The following ACOT7 variants were observed in gnomAD, a reference collection of about 807,000 sequenced individuals.
ACOT7 encodes cytosolic acyl coenzyme A thioester hydrolase.
A neutral mutation model predicts 40.2 loss-of-function variants in ACOT7; 12 were observed. That is an observed-to-expected ratio of 0.30 (90% CI 0.19 to 0.48). ACOT7 has a LOEUF of 0.48. Among genes scored for constraint, ACOT7 ranks in the 20% least tolerant of loss-of-function variants. The probability of loss-of-function intolerance (pLI) is 0.99; values close to 1 mark genes in which losing one functional copy is unlikely to be tolerated. For missense variants in ACOT7, 395 were observed against 530.8 expected (o/e 0.74, Z 2.51); for synonymous variants, 228 against 219.5 (o/e 1.04, Z -0.34).
chr1:6,319,049 C>T (rs1256512453), intron 5 of ACOT7, among the ~76,000 whole-genome samples: 1 of 152,164 alleles, frequency 6.6e-6, no homozygotes, highest in Non-Finnish European at 1.5e-5. Context: ...CCATTCACTG[C>T]TCTATCACCT....
chr1:6,269,567 T>G (rs2148363660), intron 8 of ACOT7, among the ~76,000 whole-genome samples: 1 of 152,370 alleles, frequency 6.6e-6, no homozygotes, highest in South Asian at 2.1e-4. Context: ...CGAGCCCAGG[T>G]GCAGGTCATT....
At chr1:6,381,654 G>C (rs1198546770) in intron 1 of ACOT7, among the ~76,000 whole-genome samples, 6 of 150,822 alleles carry the variant, frequency 4.0e-5, no homozygotes, top group African/African-American at 1.5e-4. Context: ...AAATAGAATT[G>C]CCATATGATC....
At chr1:6,378,275 C>T (rs1642273728) in intron 1 of ACOT7, among the ~76,000 whole-genome samples, 1 of 145,180 alleles carries the variant, frequency 6.9e-6, no homozygotes, top group African/African-American at 2.7e-5. Context: ...GATCAGCATG[C>T]CCTCTGCTGG....
intron 4 of ACOT7, among the ~76,000 whole-genome samples, chr1:6,332,574 G>A (rs1319878883): frequency 6.6e-6 from 1 of 152,174 alleles, no homozygotes; most frequent in East Asian, 1.9e-4. Context: ...CCAGCACTTT[G>A]GGAGGCCGAG....
chr1:6,337,973 A>ACTGGG (rs1407430727), intron 3 of ACOT7, among the ~76,000 whole-genome samples: 2 of 143,600 alleles, frequency 1.4e-5, no homozygotes, highest in African/African-American at 2.7e-5. Flanking sequence ...TGCACTCCAG[A>ACTGGG]CTGGGCAACA....
intron 1 of ACOT7, among the ~76,000 whole-genome samples, chr1:6,363,222 G>A (rs1279473656): frequency 6.6e-6 from 1 of 152,212 alleles, no homozygotes; most frequent in Non-Finnish European, 1.5e-5. Flanking sequence ...GCCCGGACAG[G>A]GCCACCAGAG....
chr1:6,333,092 A>C (rs943497709), intron 4 of ACOT7, among the ~76,000 whole-genome samples: 1 of 152,336 alleles, frequency 6.6e-6, no homozygotes, highest in African/African-American at 2.4e-5. Context: ...ACATGTCACT[A>C]TCACGATCCT....
At chr1:6,350,299 G>A (rs1193540521) in intron 1 of ACOT7, among the ~76,000 whole-genome samples, 1 of 152,210 alleles carries the variant, frequency 6.6e-6, no homozygotes, top group Admixed American at 6.5e-5. Flanking sequence ...TCCCAGAGAA[G>A]CCAGGTAGCC....
chr1:6,294,994 G>C lies in ACOT7; in HGVS notation c.713-14C>G. The C allele has an allele frequency of 6.3e-7, 1 of 1,593,482 alleles. No homozygotes were observed. The highest frequency in any genetic ancestry group is 8.6e-7 in the Non-Finnish European group (1 of 1,161,868). On this transcript the variant is annotated splice_polypyrimidine_tract_variant and intron_variant, in intron 6 of 8. Transcript: ENST00000361521. The surrounding 1 kb of genome is among the most constrained non-coding windows in gnomAD (Gnocchi z 4.6). ...TCATGGTCACACCTGCGGAGAAAGG[G>C]ACATGCGGCAGATGAGACACGGAGG... is the stretch of plus-strand genomic sequence containing the variant.
rs536588398 is a variant in ACOT7, at chr1:6,271,279, T to G, written c.1015-6584A>C. 2.0e-5 allele frequency among the ~76,000 whole-genome samples: 3 copies of G among 152,338 alleles called. No homozygotes were observed. In the East Asian group the frequency reaches 5.8e-4, roughly 29 times the overall value. On this transcript the variant is annotated intron_variant, in intron 8 of 8. Coordinates refer to ENST00000361521, the MANE Select transcript of ACOT7 (RefSeq NM_007274.4). The stretch of plus-strand genomic sequence containing the variant: ...CCTCGGTAAAATCAATAGCTTGTCC[T>G]TTTTGTAATTAATGAATGGCGTAAA...
chr1:6,368,709 G>C (rs1218801161), intron 1 of ACOT7, among the ~76,000 whole-genome samples: 1 of 152,200 alleles, frequency 6.6e-6, no homozygotes, highest in Admixed American at 6.5e-5. Flanking sequence ...GTCTGGAGCG[G>C]CAAGGCTCCA....
At chr1:6,291,453 C>T (rs987269117) in intron 7 of ACOT7, among the ~76,000 whole-genome samples, 3 of 152,170 alleles carry the variant, frequency 2.0e-5, no homozygotes, top group African/African-American at 7.2e-5. Context: ...GGGACCTTGG[C>T]CCTGCTGACG....
chr1:6,282,202 G>A lies in ACOT7; in HGVS notation c.830-916C>T, dbSNP rs1363087344. ...CGGCCTGGGCTCCATCCTCCTACCT[G>A]GCCTCAACATAATCCCTTAATCTCA... On this transcript the variant is annotated intron_variant, in intron 7 of 8. Coordinates refer to ENST00000361521, the MANE Select transcript of ACOT7 (RefSeq NM_007274.4). The surrounding 1 kb of genome is among the most constrained non-coding windows in gnomAD (Gnocchi z 4.5). 6.6e-6 allele frequency among the ~76,000 whole-genome samples: 1 copy of A among 152,020 alleles called. No homozygotes were observed. Among genetic ancestry groups the A allele is most frequent in the Non-Finnish European group, 1.5e-5 (1 of 67,996 alleles).
chr1:6,322,022 C>T lies in ACOT7; in HGVS notation c.626-3444G>A, dbSNP rs1343040535. On this transcript the variant is annotated intron_variant, in intron 5 of 8. Transcript: ENST00000361521. ...CTGGACACCCCTAGACCCTGGCAGG[C>T]CCACGCTGAAGCAGCAGGTGGGAGA... Among the ~76,000 whole-genome samples, 6 of 148,102 alleles carry T rather than the reference C, an allele frequency of 4.1e-5. No individual in the cohort carries two copies. In the East Asian group the frequency reaches 1.2e-3, roughly 29 times the overall value.
chr1:6,369,374 G>T (rs950973100), intron 1 of ACOT7, among the ~76,000 whole-genome samples: 2 of 149,326 alleles, frequency 1.3e-5, no homozygotes, highest in Non-Finnish European at 1.5e-5. Context: ...CACTATGGCA[G>T]CCAGAGCCCC....
chr1:6,376,746 A>G (rs920196700), intron 1 of ACOT7, among the ~76,000 whole-genome samples: 23 of 146,170 alleles, frequency 1.6e-4, no homozygotes, highest in Non-Finnish European at 3.0e-4. Flanking sequence ...AAAAAAAAAA[A>G]TTAGCTGGGC....
intron 1 of ACOT7, among the ~76,000 whole-genome samples, chr1:6,383,639 AAT>A (rs1642389708): frequency 6.6e-6 from 1 of 150,802 alleles, no homozygotes; most frequent in Admixed American, 6.6e-5. Flanking sequence ...GGGTTCAAGC[AAT>A]CTTCCTGCCT....
In ACOT7 at chr1:6,355,537, C is replaced by T. The variant is rs374472536; in HGVS notation, c.144-5671G>A. Among the ~76,000 whole-genome samples, 21 of 152,274 alleles carry T rather than the reference C, an allele frequency of 1.4e-4. 1 individual carries two copies. Among genetic ancestry groups the T allele is most frequent in the Middle Eastern group, 6.8e-3 (2 of 294 alleles). ...ATGGGAGCAAGGTGACCACCTGGGG[C>T]GCAGGGACGACCATTCCAGGAAGGA... On this transcript the variant is annotated intron_variant, in intron 1 of 8. Coordinates refer to ENST00000361521, the MANE Select transcript of ACOT7 (RefSeq NM_007274.4). The surrounding 1 kb of genome is among the most constrained non-coding windows in gnomAD (Gnocchi z 5.0).
rs1381772327 is a variant in ACOT7, at chr1:6,312,505, C to T, written c.712+5987G>A. On this transcript the variant is annotated intron_variant, in intron 6 of 8. Transcript: ENST00000361521. ...TCGAGGCAGAGTCTCGCTCTGTCAC[C>T]CAGGCTGGCTGGATTGGAGTGGCAT... Among the ~76,000 whole-genome samples, 2 of 151,312 alleles carry T rather than the reference C, an allele frequency of 1.3e-5. 1 individual carries two copies. Among genetic ancestry groups the T allele is most frequent in the South Asian group, 4.2e-4 (2 of 4,726 alleles).
Sources: allele counts gnomAD v4.1 joint callset (sites outside exome capture counted in the v4.1 genomes callset), GRCh38; gene constraint gnomAD v4.1.1; non-coding constraint Gnocchi (gnomAD v3.1); transcripts MANE v1.5; gene names NCBI Gene and HGNC (gene_info 2026-07-23, HGNC 2026-07-21).